NEK1: variants seen among roughly 807,000 people sequenced by gnomAD.
The protein encoded by NEK1 is NIMA related kinase 1.
In NEK1, 137 loss-of-function variants were observed where a neutral mutation model predicts 182.1. That is an observed-to-expected ratio of 0.75 (90% CI 0.65 to 0.87). The LOEUF is 0.87. NEK1 is among the 40% of genes least tolerant of loss of function. The pLI, the probability that NEK1 is intolerant of heterozygous loss-of-function variation, is 0.00. For synonymous variants in NEK1, 513 were observed against 492.2 expected (o/e 1.04, Z -0.56); for missense variants, 1,391 against 1,494.4 (o/e 0.93, Z 1.14).
chr4:169,539,982 T>TA (rs542728024), intron 18 of NEK1, among the ~76,000 whole-genome samples: 177 of 152,298 alleles, frequency 1.2e-3, no homozygotes, highest in African/African-American at 3.6e-3. Flanking sequence ...TGGTCATCTG[T>TA]ATAACAGCTT....
intron 27 of NEK1, among the ~76,000 whole-genome samples, chr4:169,443,530 G>C (rs1227455085): frequency 6.6e-6 from 1 of 151,756 alleles, no homozygotes; most frequent in African/African-American, 2.4e-5. Context: ...TGTGACATAA[G>C]AGAAATTGTA....
chr4:169,546,972 C>T (rs1207113645), intron 18 of NEK1, among the ~76,000 whole-genome samples: 1 of 152,208 alleles, frequency 6.6e-6, no homozygotes, highest in Non-Finnish European at 1.5e-5. Flanking sequence ...AGCCCATTTA[C>T]ATTTAAGGCT....
At chr4:169,587,797 G>A (rs1339916813) in intron 8 of NEK1, among the ~76,000 whole-genome samples, 184 bp from the exon 9 acceptor site, 1 of 151,646 alleles carries the variant, frequency 6.6e-6, no homozygotes, top group African/African-American at 2.4e-5. Flanking sequence ...AAAAGAAAAT[G>A]GTTGCCCCAA....
intron 18 of NEK1, among the ~76,000 whole-genome samples, chr4:169,548,915 T>A (rs180975628): frequency 2.0e-4 from 31 of 152,280 alleles, no homozygotes; most frequent in African/African-American, 7.2e-4. Flanking sequence ...TCTGTGGGGG[T>A]GGGACCCACC....
At chr4:169,599,960 A>T (rs1194709772) in intron 4 of NEK1, among the ~76,000 whole-genome samples, 1 of 152,004 alleles carries the variant, frequency 6.6e-6, no homozygotes, top group Non-Finnish European at 1.5e-5. Flanking sequence ...TCCTGGGCTC[A>T]AGGGAACCTC....
intron 23 of NEK1, among the ~76,000 whole-genome samples, chr4:169,505,734 T>C (rs566100009): frequency 1.3e-5 from 2 of 152,318 alleles, no homozygotes; most frequent in Admixed American, 1.3e-4. Flanking sequence ...GCCAATGATC[T>C]AGTTGTAGGC....
At chr4:169,541,968 T>C (rs1266492976) in intron 18 of NEK1, among the ~76,000 whole-genome samples, 2 of 152,150 alleles carry the variant, frequency 1.3e-5, no homozygotes, top group African/African-American at 4.8e-5. Flanking sequence ...AGTCAGTCAA[T>C]TCTTCCAAGT....
chr4:169,568,717 T>C (rs191747612), intron 12 of NEK1, among the ~76,000 whole-genome samples: 70 of 152,106 alleles, frequency 4.6e-4, no homozygotes, highest in South Asian at 6.2e-4. Context: ...GGTGGATCAC[T>C]TGAGGTCAGG....
Position 169,506,726 on chromosome 4 carries a change from G to A in NEK1, c.2007+311C>T, listed in dbSNP as rs151216929. On this transcript the variant is annotated intron_variant, in intron 23 of 35. Transcript: ENST00000507142. Reference sequence around the variant, plus strand: ...CACTGCACTTCAGTGAGCCGAGATCGTGTCACTGCACTTCAGCCTGGGTGA... The same window carrying A: ...CACTGCACTTCAGTGAGCCGAGATCATGTCACTGCACTTCAGCCTGGGTGA... 994 of 154,264 alleles carry A rather than the reference G, an allele frequency of 6.4e-3. 12 individuals are homozygous for A. Among genetic ancestry groups the A allele is most frequent in the African/African-American group, 0.023 (940 of 40,212 alleles). 9.6% of individuals were successfully genotyped at this position (154,264 alleles called of 1,614,324 possible).
At chr4:169,555,239 G>T (rs1157858356) in intron 18 of NEK1, 2 of 165,120 alleles carry the variant, frequency 1.2e-5, no homozygotes, top group African/African-American at 4.8e-5. Flanking sequence ...TGGAAGAAAA[G>T]AAATAATATG....
intron 5 of NEK1, among the ~76,000 whole-genome samples, chr4:169,593,816 G>A (rs7690583): frequency 0.013 from 2,000 of 151,982 alleles, 40 homozygotes; most frequent in African/African-American, 0.045. Flanking sequence ...GTGAAACCCC[G>A]TCTTTACTAA....
At position 169,437,870 on chromosome 4, in the gene NEK1, G is replaced by A. The variant is rs6553438; in HGVS notation, c.2764+213C>T. Among the ~76,000 whole-genome samples, 137,390 of 152,146 alleles carry A rather than the reference G, an allele frequency of 0.9. 62,111 individuals carry two copies. The highest frequency in any genetic ancestry group is 0.94 in the Middle Eastern group (277 of 294). ...TCAATTCCTGGCACATAAAATCATG[G>A]TATGAAACGGTTGGTGTTTCAACAC... On this transcript the variant is annotated intron_variant, in intron 28 of 35. Transcript: ENST00000507142.
intron 19 of NEK1, among the ~76,000 whole-genome samples, chr4:169,515,348 T>C (rs79625235): frequency 0.058 from 8,792 of 152,270 alleles, 843 homozygotes; most frequent in African/African-American, 0.2. Context: ...ATTTTCTGTC[T>C]AGTAGTTCTA....
intron 31 of NEK1, among the ~76,000 whole-genome samples, chr4:169,411,430 G>A (rs533999108): frequency 1.3e-5 from 2 of 152,198 alleles, no homozygotes; most frequent in Admixed American, 1.3e-4. Flanking sequence ...GGGTTCAAGC[G>A]ACTTTCGGGC....
intron 12 of NEK1, among the ~76,000 whole-genome samples, chr4:169,572,214 G>C (rs1282162548): frequency 6.6e-6 from 1 of 152,152 alleles, no homozygotes; most frequent in Admixed American, 6.5e-5. Context: ...TATAACCCTG[G>C]TGGAAAGTGA....
chr4:169,461,866 A>C (rs764532482), intron 27 of NEK1, among the ~76,000 whole-genome samples: 2 of 152,060 alleles, frequency 1.3e-5, no homozygotes, highest in Non-Finnish European at 2.9e-5. Flanking sequence ...TTTATAGCTT[A>C]CCATCTAACA....
intron 26 of NEK1, among the ~76,000 whole-genome samples, chr4:169,464,996 C>A (rs1448797925): frequency 1.3e-5 from 2 of 151,800 alleles, no homozygotes; most frequent in Non-Finnish European, 2.9e-5. Context: ...CTAGTAGTAA[C>A]ATACAGGATA....
intron 27 of NEK1, among the ~76,000 whole-genome samples, chr4:169,439,319 G>A (rs1738995332): frequency 1.3e-5 from 2 of 152,164 alleles, no homozygotes; most frequent in African/African-American, 4.8e-5. Context: ...ATAACACTGG[G>A]CTAGCAGGAA....
chr4:169,435,682 T>C (rs909559565), intron 28 of NEK1, among the ~76,000 whole-genome samples: 3 of 152,136 alleles, frequency 2.0e-5, no homozygotes, highest in African/African-American at 7.2e-5. Context: ...ATCATGAAAA[T>C]AGTTTATTCT....
Sources: allele counts gnomAD v4.1 joint callset (sites outside exome capture counted in the v4.1 genomes callset), GRCh38; gene constraint gnomAD v4.1.1; transcripts MANE v1.5; gene names NCBI Gene and HGNC (gene_info 2026-07-23, HGNC 2026-07-21).